The following ZAN variants were observed in gnomAD, a reference collection of about 807,000 sequenced individuals.
ZAN encodes zonadhesin (gene/pseudogene).
Under a neutral mutation model 286.2 loss-of-function variants are expected in ZAN, and 260 were observed. The observed-to-expected ratio is 0.91, with a 90% CI of 0.82 to 1.01. The LOEUF (loss-of-function observed/expected upper bound fraction) is 1.01. ZAN is among the 50% of genes least tolerant of loss of function. The pLI is 0.00. For synonymous variants in ZAN, 1,368 were observed against 1,417.5 expected, an observed-to-expected ratio of 0.97 and a Z score of 0.79; for missense variants, 3,410 against 3,639.2, an observed-to-expected ratio of 0.94 and a Z score of 1.62.
chr7:100,758,449 G>A (rs1275969008), intron 16 of ZAN, 82 bp from the exon 17 acceptor site: 82 of 1,564,110 alleles, frequency 5.2e-5, no homozygotes, highest in South Asian at 2.2e-4. Context: ...GCCTGCCACC[G>A]GGCAGCGGGT....
At chr7:100,757,623 C>T (rs896668948) in intron 15 of ZAN, among the ~76,000 whole-genome samples, 2 of 151,706 alleles carry the variant, frequency 1.3e-5, no homozygotes, top group African/African-American at 4.8e-5. Context: ...GGCGTCGTGG[C>T]GGGTGCCTGT....
rs1221540116 is a variant in ZAN, at chr7:100,779,685, C to A, written c.6557C>A (p.Ala2186Asp). Reference sequence around the variant, plus strand: ...CAGGCCCTCTGCCAGGCTCTGCAAGCCTTCGGGGCCACCTGCCAGAGCCAG... The same window carrying A: ...CAGGCCCTCTGCCAGGCTCTGCAAGACTTCGGGGCCACCTGCCAGAGCCAG... ...LYQALCQALQ[A>D]FGATCQSQGL... is the part of the protein sequence containing the mutation. The change falls in exon 35 of 48, where the codon GCC becomes GAC. Residue 2186 changes from alanine to aspartate, a missense_variant. Transcript: ENST00000613979. 1 of 1,563,358 alleles carries A rather than the reference C, an allele frequency of 6.4e-7. No individual in the cohort carries two copies. The highest frequency in any genetic ancestry group is 1.2e-5 in the South Asian group (1 of 84,920).
chr7:100,791,088 G>T lies in ZAN; in HGVS notation c.7504G>T (p.Glu2502Ter). The T allele has an allele frequency of 6.2e-7, 1 of 1,612,590 alleles. No individual in the cohort carries two copies. The highest frequency in any genetic ancestry group is 8.5e-7 in the Non-Finnish European group (1 of 1,179,582). The change falls in exon 40 of 48, where the codon GAG (glutamate) becomes TAG (stop). Residue 2502 changes from glutamate to a stop codon, truncating the protein, a stop_gained. Transcript: ENST00000613979. LOFTEE classifies it high-confidence loss of function. ...TFGNSWEVKT[E>*]DALLRFPRAI... ...TGGCAACAGCTGGGAGGTGAAGACC[G>T]AGGACGCACTCCTGCGCTTCCCCAG...
In ZAN at chr7:100,737,397, CGTCCTTGCACAACAAGAA is replaced by C; in HGVS notation, c.613+50_613+67del. ...GCCTGCCCTCGGACCCTTTTCTCTC[CGTCCTTGCACAACAAGAA>C]GAGGATCCAGGGCGGGCGCGGTGGC... On this transcript the variant is annotated intron_variant, in intron 6 of 47. Coordinates refer to ENST00000613979, the MANE Select transcript of ZAN (RefSeq NM_003386.3). 9 of 1,243,274 alleles carry C rather than the reference CGTCCTTGCACAACAAGAA, an allele frequency of 7.2e-6. 3 individuals carry two copies. The highest frequency in any genetic ancestry group is 1.0e-5 in the Non-Finnish European group (9 of 899,576). 77.0% of individuals were successfully genotyped at this position (1,243,274 alleles called of 1,614,324 possible). A position where few individuals can be genotyped will look rare whatever the true frequency, so the allele number is the denominator to read the frequency against.
chr7:100,768,553 G>A (rs1330983124), intron 26 of ZAN, 57 bp from the exon 27 acceptor site: 1 of 1,447,844 alleles, frequency 6.9e-7, no homozygotes, highest in Admixed American at 2.3e-5. Flanking sequence ...TGGTGGCCCT[G>A]GGGCCTGGCC....
At chr7:100,782,467 T>G (rs1811254217) in intron 35 of ZAN, among the ~76,000 whole-genome samples, 1 of 152,092 alleles carries the variant, frequency 6.6e-6, no homozygotes, top group South Asian at 2.1e-4. Flanking sequence ...TAGCTGGGAT[T>G]ACAGGCACCC....
Position 100,792,099 on chromosome 7 carries a change from G to A in ZAN, c.7663G>A (p.Gly2555Ser), listed in dbSNP as rs754750275. The A allele has an allele frequency of 1.4e-5, 22 of 1,612,762 alleles. No homozygotes were observed. The highest frequency in any genetic ancestry group is 1.7e-5 in the Non-Finnish European group (20 of 1,179,686). The change falls in exon 41 of 48, where the codon GGC becomes AGC. Residue 2555 changes from glycine (G) to serine (S), a missense_variant. Transcript: ENST00000613979. ...CTGTAGGGTGCTGGCAGACCCCCAG[G>A]GCCCCTTTGCTGCCTGTCACCAGAC... ...QACRVLADPQ[G>S]PFAACHQTVA...
Position 100,789,877 on chromosome 7 carries a change from G to A in ZAN, c.7357+530G>A, listed in dbSNP as rs960799220. On this transcript the variant is annotated intron_variant, in intron 39 of 47. Transcript: ENST00000613979. ...GGAGAATCGCTTGAACGTGGGAGGCGGAGGTTGCAGTGAGCTGAGATCGTG... is the reference window on the plus strand; with the variant it reads ...GGAGAATCGCTTGAACGTGGGAGGCAGAGGTTGCAGTGAGCTGAGATCGTG... Among the ~76,000 whole-genome samples the A allele has an allele frequency of 5.3e-5, 8 of 152,182 alleles. No homozygotes were observed. In the East Asian group the frequency reaches 1.2e-3, roughly 22 times the overall value.
At chr7:100,755,448 T>A (rs373678497) in intron 15 of ZAN, 38 bp downstream of exon 15, 66 of 1,597,742 alleles carry the variant, frequency 4.1e-5, no homozygotes, top group Non-Finnish European at 5.5e-5. Context: ...ATGAGGGAGA[T>A]TGATGGCAGA....
At position 100,795,121 on chromosome 7, in the gene ZAN, C is replaced by G. The variant is rs1454072585; in HGVS notation, c.8126-75C>G. 2.6e-6 allele frequency: 4 copies of G among 1,513,454 alleles called. No individual in the cohort carries two copies. In the Admixed American group the frequency reaches 6.2e-5, roughly 23 times the overall value. 93.8% of individuals were successfully genotyped at this position (1,513,454 alleles called of 1,614,324 possible). ...GCTGCTTTCTCCCCGGGCGTCCCAGCCCCCAGCCAGGCCTTCCCTCAGCTG... is the reference window on the plus strand; with the variant it reads ...GCTGCTTTCTCCCCGGGCGTCCCAGGCCCCAGCCAGGCCTTCCCTCAGCTG... On this transcript the variant is annotated intron_variant, in intron 44 of 47. Transcript: ENST00000613979.
chr7:100,794,097 C>T, intron 43 of ZAN, 23 bp from the exon 44 acceptor site: 1 of 1,613,936 alleles, frequency 6.2e-7, no homozygotes, highest in Non-Finnish European at 8.5e-7. Flanking sequence ...GGAACGTCTC[C>T]TCCTGGCCCT....
chr7:100,743,287 G>A lies in ZAN; in HGVS notation c.767-3251G>A, dbSNP rs1807943572. The stretch of plus-strand genomic sequence containing the variant: ...ATCCACCCACTTGGCCTCCCAAAAT[G>A]CTGGGATTACAAGCGTAAGCCACCA... On this transcript the variant is annotated intron_variant, in intron 7 of 47. Transcript: ENST00000613979. Among the ~76,000 whole-genome samples the A allele has an allele frequency of 2.0e-5, 3 of 152,034 alleles. No homozygotes were observed. In the South Asian group the frequency reaches 6.2e-4, roughly 32 times the overall value.
At chr7:100,738,873 TTC>T (rs1807503680) in intron 7 of ZAN, among the ~76,000 whole-genome samples, 1 of 24,150 alleles carries the variant, frequency 4.1e-5, no homozygotes, top group Non-Finnish European at 8.7e-5. Flanking sequence ...CCTCTTCTTC[TTC>T]TCCCTCTCCC....
chr7:100,755,363 A>T lies in ZAN; in HGVS notation c.3262A>T (p.Ile1088Phe), dbSNP rs1364425563. The change falls in exon 15 of 48, where the codon ATC becomes TTC. Residue 1088 changes from isoleucine to phenylalanine, a missense_variant. By Grantham distance (21) the Ile-to-Phe change is conservative (BLOSUM62 0). Transcript: ENST00000613979. ...PGFLFSDNHC[I>F]QASSCNCFYN... ...CTTTTTGTTTAGTGACAACCACTGC[A>T]TCCAGGCCTCTTCCTGCAATTGCTT... 1 of 1,613,738 alleles carries T rather than the reference A, an allele frequency of 6.2e-7. No individual in the cohort carries two copies. Among genetic ancestry groups the T allele is most frequent in the Admixed American group, 1.7e-5 (1 of 59,978 alleles).
At chr7:100,775,212 C>G in intron 31 of ZAN, 116 bp from the exon 32 acceptor site, 1 of 1,446,846 alleles carries the variant, frequency 6.9e-7, no homozygotes, top group Non-Finnish European at 9.2e-7. Flanking sequence ...TGCGCACAGC[C>G]GGACCTGGGG....
At chr7:100,780,269 T>C (rs1811114891) in intron 35 of ZAN, among the ~76,000 whole-genome samples, 1 of 152,096 alleles carries the variant, frequency 6.6e-6, no homozygotes, top group African/African-American at 2.4e-5. Context: ...CCAGAAACTT[T>C]TACAATTTAA....
At chr7:100,795,721 G>A (rs1181189941) in intron 45 of ZAN, among the ~76,000 whole-genome samples, 2 of 151,478 alleles carry the variant, frequency 1.3e-5, no homozygotes, top group African/African-American at 2.4e-5. Flanking sequence ...TCTGGCTAAC[G>A]AAGTGAAACC....
At position 100,784,668 on chromosome 7, in the gene ZAN, C is replaced by G. The variant is rs1415429967; in HGVS notation, c.6668C>G (p.Ser2223Cys). 6.2e-7 allele frequency: 1 copy of G among 1,613,890 alleles called. No individual in the cohort carries two copies. Among genetic ancestry groups the G allele is most frequent in the African/African-American group, 1.3e-5 (1 of 74,928 alleles). ...AYSSYTNCLP[S>C]CSPSCWDLDG... ...AGCAGCTACACCAACTGCCTTCCCT[C>G]CTGCTCACCCTCCTGCTGGGACCTG... Residue 2223 changes from serine to cysteine, a missense_variant, in exon 36 of 48, where the codon TCC (serine) becomes TGC (cysteine). Transcript: ENST00000613979.
chr7:100,794,055 G>A (rs757934674), intron 43 of ZAN, 37 bp downstream of exon 43: 3 of 1,612,718 alleles, frequency 1.9e-6, no homozygotes, highest in South Asian at 1.1e-5. Flanking sequence ...GGGAGCAGAG[G>A]CGCCAAGGAG....
Sources: gnomAD v4.1 joint callset for allele counts (sites outside exome capture counted in the v4.1 genomes callset) on GRCh38, gnomAD v4.1.1 for gene constraint, MANE v1.5 for transcripts, NCBI Gene and HGNC (gene_info 2026-07-23, HGNC 2026-07-21) for gene names.